The following RYR3 variants were observed in gnomAD, a reference collection of about 807,000 sequenced individuals.
RYR3 encodes the protein brain ryanodine receptor-calcium release channel.
Under a neutral mutation model 584.3 loss-of-function variants are expected in RYR3, and 207 were observed. The observed-to-expected ratio is 0.35, with a 90% CI of 0.32 to 0.40. The LOEUF (loss-of-function observed/expected upper bound fraction) is 0.40, where lower values mean the gene tolerates loss of function less well. Among genes scored for constraint, RYR3 ranks in the 10% least tolerant of loss-of-function variants. The pLI is 1.00. For missense variants in RYR3, 5,616 were observed against 6,089.2 expected, an observed-to-expected ratio of 0.92 and a Z score of 2.59; for synonymous variants, 2,416 against 2,248.5, an observed-to-expected ratio of 1.07 and a Z score of -2.11.
intron 74 of RYR3, among the ~76,000 whole-genome samples, chr15:33,816,305 G>A (rs1247387152): frequency 2.0e-5 from 3 of 152,124 alleles, no homozygotes; most frequent in Non-Finnish European, 4.4e-5. Flanking sequence ...GAATCCATGC[G>A]GCACACAGAA....
intron 38 of RYR3, among the ~76,000 whole-genome samples, chr15:33,674,169 G>A (rs1276181418): frequency 1.3e-5 from 2 of 152,212 alleles, no homozygotes; most frequent in Admixed American, 6.5e-5. Flanking sequence ...CCAGCTAAAT[G>A]CTGTAGCATG....
rs768763997 is a variant in RYR3 at position 33,821,385 on chromosome 15, T to C, written c.10915+16T>C. On this transcript the variant is annotated intron_variant, in intron 79 of 103. Transcript: ENST00000634891. Reference sequence around the variant, plus strand: ...GCTAGCAAAGGTGATTTCCCTAGTTTCTGGATGGGCTTATGTAACTTCCAC... The same window carrying C: ...GCTAGCAAAGGTGATTTCCCTAGTTCCTGGATGGGCTTATGTAACTTCCAC... The C allele has an allele frequency of 1.3e-6, 2 of 1,594,852 alleles. No homozygotes were observed. The highest frequency in any genetic ancestry group is 2.3e-5 in the South Asian group (2 of 87,946).
chr15:33,751,827 T>C (rs2071345557), intron 57 of RYR3, among the ~76,000 whole-genome samples: 2 of 152,212 alleles, frequency 1.3e-5, no homozygotes, highest in Admixed American at 6.5e-5. Flanking sequence ...CTGAATGATA[T>C]TGCCTAGGTT....
intron 47 of RYR3, 92 bp downstream of exon 47, chr15:33,729,118 C>A: frequency 9.5e-7 from 1 of 1,049,494 alleles, no homozygotes; most frequent in Non-Finnish European, 1.4e-6. Context: ...CTTTACTCAC[C>A]AATTACATTT....
At position 33,530,066 on chromosome 15, in the gene RYR3, C is replaced by A. The variant is rs2054729398; in HGVS notation, c.280-526C>A. Among the ~76,000 whole-genome samples, 3 of 152,032 alleles carry A rather than the reference C, an allele frequency of 2.0e-5. No homozygotes were observed. In the South Asian group the frequency reaches 6.2e-4, roughly 32 times the overall value. The stretch of plus-strand genomic sequence containing the variant: ...CATAACTGGTTACCCTTTTAAAGTC[C>A]TGGATTTCAGAGCCATCTCTCGTTG... On this transcript the variant is annotated intron_variant, in intron 3 of 103. Coordinates refer to ENST00000634891, the MANE Select transcript of RYR3 (RefSeq NM_001036.6).
chr15:33,396,864 C>T (rs890439982), intron 1 of RYR3, among the ~76,000 whole-genome samples: 33 of 152,322 alleles, frequency 2.2e-4, no homozygotes, highest in African/African-American at 7.7e-4. Context: ...GCCTTTTCTC[C>T]TTCAACCCCC....
chr15:33,579,942 A>G (rs8041153), intron 12 of RYR3, 34 bp from the exon 13 acceptor site: 150,368 of 1,556,528 alleles, frequency 0.097, 11,720 homozygotes, highest in African/African-American at 0.41. Flanking sequence ...GCTGCTGGCC[A>G]GTGCCTAAAC....
At chr15:33,393,590 T>C (rs972429977) in intron 1 of RYR3, among the ~76,000 whole-genome samples, 1 of 152,216 alleles carries the variant, frequency 6.6e-6, no homozygotes, top group African/African-American at 2.4e-5. Flanking sequence ...GAGCCCATTA[T>C]GGTTGAGAAG....
At chr15:33,506,668 A>G (rs2052511172) in intron 3 of RYR3, among the ~76,000 whole-genome samples, 1 of 152,176 alleles carries the variant, frequency 6.6e-6, no homozygotes, top group Non-Finnish European at 1.5e-5. Context: ...TGACTCCACA[A>G]AATAGTTACC....
At chr15:33,749,866 G>A (rs1198517534) in intron 55 of RYR3, 113 bp from the exon 56 acceptor site, 12 of 803,146 alleles carry the variant, frequency 1.5e-5, no homozygotes, top group East Asian at 1.3e-4. Context: ...GCCGTCTGCT[G>A]TTAGTGTTCA....
At chr15:33,809,643 T>C (rs1021628559) in intron 70 of RYR3, among the ~76,000 whole-genome samples, 1 of 151,436 alleles carries the variant, frequency 6.6e-6, no homozygotes, top group African/African-American at 2.4e-5. Context: ...TGTTTTGTTG[T>C]TGTTGTTGTT....
intron 93 of RYR3, chr15:33,847,617 C>T (rs1048726946): frequency 1.4e-4 from 21 of 152,264 alleles, no homozygotes; most frequent in African/African-American, 4.8e-4. Context: ...TTTCTGTGTT[C>T]CCCTTTGGCA....
At chr15:33,794,102 ATAAATATAATATACATAAATATATATT>A (rs2075370969) in intron 67 of RYR3, among the ~76,000 whole-genome samples, 1 of 133,300 alleles carries the variant, frequency 7.5e-6, no homozygotes, top group African/African-American at 2.9e-5. Context: ...TATATATTAT[ATAAATATAATATACATAAATATATATT>A]TATATATAAT....
intron 5 of RYR3, among the ~76,000 whole-genome samples, chr15:33,536,874 T>C (rs995386473): frequency 1.3e-5 from 2 of 152,208 alleles, no homozygotes; most frequent in Non-Finnish European, 2.9e-5. Flanking sequence ...GTTTATAATA[T>C]ACATATTAAA....
chr15:33,540,965 A>G (rs1156839834), intron 7 of RYR3, 75 bp downstream of exon 7: 7 of 937,278 alleles, frequency 7.5e-6, no homozygotes, highest in South Asian at 5.5e-5. Flanking sequence ...ATTTTCTGCT[A>G]CTTCCCAGAT....
chr15:33,492,568 C>G (rs544947878), intron 2 of RYR3, among the ~76,000 whole-genome samples: 1 of 152,026 alleles, frequency 6.6e-6, no homozygotes, highest in Non-Finnish European at 1.5e-5. Context: ...GGAAAAATCT[C>G]AAAAACATTT....
intron 1 of RYR3, among the ~76,000 whole-genome samples, chr15:33,424,460 CTGTT>C (rs1390288692): frequency 6.6e-6 from 1 of 152,210 alleles, no homozygotes; most frequent in African/African-American, 2.4e-5. Context: ...AAACTTCAAA[CTGTT>C]TGGTACTTTG....
chr15:33,330,241 G>A lies in RYR3; in HGVS notation c.51+19145G>A, dbSNP rs1355020597. Reference sequence around the variant, plus strand: ...GCTACACCTCTTTATGTGCTTCACTGTCTTCTATTCAGCAATCACCTGTAT... The same window carrying A: ...GCTACACCTCTTTATGTGCTTCACTATCTTCTATTCAGCAATCACCTGTAT... On this transcript the variant is annotated intron_variant, in intron 1 of 103. Coordinates refer to ENST00000634891, the MANE Select transcript of RYR3 (RefSeq NM_001036.6). 2.0e-5 allele frequency among the ~76,000 whole-genome samples: 3 copies of A among 152,166 alleles called. No homozygotes were observed. The East Asian group carries it at 5.8e-4, about 29-fold the overall frequency.
intron 1 of RYR3, among the ~76,000 whole-genome samples, chr15:33,312,362 G>T (rs924984732): frequency 1.0e-5 from 1 of 98,754 alleles, no homozygotes; most frequent in African/African-American, 5.2e-5. Flanking sequence ...TCAAAGCTGG[G>T]ACTTGGGTCT....
Sources: allele counts gnomAD v4.1 joint callset (sites outside exome capture counted in the v4.1 genomes callset), GRCh38; gene constraint gnomAD v4.1.1; transcripts MANE v1.5; gene names NCBI Gene and HGNC (gene_info 2026-07-23, HGNC 2026-07-21).